Variants in GORASP2 observed in about 807,000 individuals in gnomAD.
GORASP2 encodes the protein golgi reassembly stacking protein 2.
In GORASP2, 22 loss-of-function variants were observed where a neutral mutation model predicts 45.7. The ratio of observed to expected loss-of-function variants is 0.48; its 90% CI spans 0.34 to 0.69. GORASP2 has a LOEUF of 0.69. Among genes scored for constraint, GORASP2 ranks in the 30% least tolerant of loss-of-function variants. The pLI, the probability that GORASP2 is intolerant of heterozygous loss-of-function variation, is 0.01. For synonymous variants in GORASP2, 221 were observed against 215.6 expected (o/e 1.02, Z -0.22); for missense variants, 491 against 562.7 (o/e 0.87, Z 1.29).
At chr2:170,955,672 C>A (rs914603782) in intron 6 of GORASP2, among the ~76,000 whole-genome samples, 1 of 152,222 alleles carries the variant, frequency 6.6e-6, no homozygotes, top group African/African-American at 2.4e-5. Context: ...AACATTGGCT[C>A]ATGGCCAGAG....
chr2:170,963,812 T>C (rs995999185), intron 9 of GORASP2, among the ~76,000 whole-genome samples: 6 of 152,016 alleles, frequency 3.9e-5, no homozygotes, highest in Non-Finnish European at 5.9e-5. Flanking sequence ...CTGGCTAATT[T>C]TTTTGTATTT....
In GORASP2 at chr2:170,956,463, T is replaced by G; in HGVS notation, c.727T>G (p.Ser243Ala). 6.2e-7 allele frequency: 1 copy of G among 1,613,220 alleles called. No homozygotes were observed. The highest frequency in any genetic ancestry group is 8.5e-7 in the Non-Finnish European group (1 of 1,179,596). The change falls in exon 7 of 10, where the codon TCT (serine) becomes GCT (alanine). Residue 243 changes from serine (S) to alanine (A), a missense_variant. By Grantham distance (99) the Ser-to-Ala change is moderately conservative (BLOSUM62 1). Transcript: ENST00000234160. ...EVQLSSVNPP[S>A]LSPPGTTGIE... ...CCAGCTGTCCTCAGTTAATCCCCCG[T>G]CTTTGTCACCACCAGGAACTACAGG...
intron 1 of GORASP2, among the ~76,000 whole-genome samples, chr2:170,939,178 C>T (rs188661251): frequency 3.2e-4 from 49 of 152,274 alleles, no homozygotes; most frequent in Non-Finnish European, 4.4e-5. Context: ...TTCTAATGTA[C>T]AGATCTTTTC....
intron 1 of GORASP2, among the ~76,000 whole-genome samples, chr2:170,931,859 T>C (rs971373161): frequency 1.3e-5 from 2 of 152,250 alleles, no homozygotes; most frequent in African/African-American, 2.4e-5. Flanking sequence ...TGTACCCAAC[T>C]TCTTATCCCC....
At chr2:170,941,809 A>G (rs1329421654) in intron 1 of GORASP2, among the ~76,000 whole-genome samples, 1 of 152,152 alleles carries the variant, frequency 6.6e-6, no homozygotes, top group Non-Finnish European at 1.5e-5. Context: ...AAATAGTGCT[A>G]CTATCAACAT....
chr2:170,944,963 A>G (rs1213215802), intron 1 of GORASP2, among the ~76,000 whole-genome samples: 1 of 152,078 alleles, frequency 6.6e-6, no homozygotes, highest in African/African-American at 2.4e-5. Flanking sequence ...CTAATTGATA[A>G]CCACCTAATA....
intron 8 of GORASP2, 69 bp downstream of exon 8, chr2:170,961,818 AT>A: frequency 1.2e-6 from 1 of 848,784 alleles, no homozygotes; most frequent in African/African-American, 1.7e-5. Flanking sequence ...CTTAAAAACA[AT>A]GAAAAATATT....
chr2:170,939,346 G>A (rs1704023227), intron 1 of GORASP2, among the ~76,000 whole-genome samples: 1 of 152,224 alleles, frequency 6.6e-6, no homozygotes, highest in Non-Finnish European at 1.5e-5. Context: ...CAATGTTTTA[G>A]CAGGTGAGGC....
At chr2:170,950,607 T>A (rs1406344418) in intron 4 of GORASP2, among the ~76,000 whole-genome samples, 1 of 152,224 alleles carries the variant, frequency 6.6e-6, no homozygotes, top group Non-Finnish European at 1.5e-5. Context: ...CCCCTTTTTG[T>A]TCAGTGACAG....
At chr2:170,934,362 G>A (rs975733851) in intron 1 of GORASP2, among the ~76,000 whole-genome samples, 7 of 150,134 alleles carry the variant, frequency 4.7e-5, no homozygotes, top group African/African-American at 1.7e-4. Context: ...GCAACCTCCC[G>A]GGTTCTCCTG....
chr2:170,930,883 C>G (rs1317426777), intron 1 of GORASP2, among the ~76,000 whole-genome samples: 1 of 150,996 alleles, frequency 6.6e-6, no homozygotes, highest in East Asian at 1.9e-4. Context: ...TCACAGTGAC[C>G]GATTGTGGTC....
At position 170,935,311 on chromosome 2, in the gene GORASP2, G is replaced by T. The variant is rs574867285; in HGVS notation, c.63+5908G>T. Among the ~76,000 whole-genome samples the T allele has an allele frequency of 3.8e-4, 58 of 151,896 alleles. 1 individual carries two copies. The highest frequency in any genetic ancestry group is 1.3e-3 in the African/African-American group (55 of 41,400). On this transcript the variant is annotated intron_variant, in intron 1 of 9. Coordinates refer to ENST00000234160, the MANE Select transcript of GORASP2 (RefSeq NM_015530.5). ...GCTCTATCACCCAGGCTGGAGTGCA[G>T]TGGCGCGATCTCAGCTCACTGCAAC...
chr2:170,940,871 T>C (rs1394556487), intron 1 of GORASP2, among the ~76,000 whole-genome samples: 2 of 152,208 alleles, frequency 1.3e-5, no homozygotes, highest in African/African-American at 4.8e-5. Context: ...TGTGACACAC[T>C]AAATTGATTT....
intron 1 of GORASP2, among the ~76,000 whole-genome samples, chr2:170,938,906 T>C (rs1033947257): frequency 6.6e-6 from 1 of 152,062 alleles, no homozygotes; most frequent in Admixed American, 6.5e-5. Context: ...GGCAGGAGAA[T>C]TACTTAAACC....
At chr2:170,947,830 G>A (rs934829635) in intron 1 of GORASP2, among the ~76,000 whole-genome samples, 2 of 152,118 alleles carry the variant, frequency 1.3e-5, no homozygotes, top group African/African-American at 4.8e-5. Context: ...TCATATAGAA[G>A]ATGAACTAGG....
chr2:170,933,008 A>C (rs1403752521), intron 1 of GORASP2, among the ~76,000 whole-genome samples: 1 of 152,074 alleles, frequency 6.6e-6, no homozygotes, highest in Non-Finnish European at 1.5e-5. Flanking sequence ...GTAATAAACA[A>C]GGTTGTCTAA....
chr2:170,943,118 A>T (rs1197366023), intron 1 of GORASP2, among the ~76,000 whole-genome samples: 1 of 152,162 alleles, frequency 6.6e-6, no homozygotes, highest in Non-Finnish European at 1.5e-5. Context: ...GTTTATTAGG[A>T]AGCCTTTGCA....
intron 6 of GORASP2, among the ~76,000 whole-genome samples, chr2:170,955,543 A>T (rs1221178676): frequency 6.6e-6 from 1 of 152,244 alleles, no homozygotes. Flanking sequence ...CAAAAAGAAA[A>T]TGCTGCTGTT....
At chr2:170,957,282 C>CT (rs1006439546) in intron 7 of GORASP2, among the ~76,000 whole-genome samples, 244 of 147,164 alleles carry the variant, frequency 1.7e-3, no homozygotes, top group African/African-American at 3.8e-3. Flanking sequence ...CCTTCCTTTT[C>CT]TTTTTTTTTT....
Sources: allele counts gnomAD v4.1 joint callset (sites outside exome capture counted in the v4.1 genomes callset), GRCh38; gene constraint gnomAD v4.1.1; transcripts MANE v1.5; gene names NCBI Gene and HGNC (gene_info 2026-07-23, HGNC 2026-07-21).